FBP1: variants seen among roughly 807,000 people sequenced by gnomAD.
The protein encoded by FBP1 is fructose-1,6-bisphosphatase 1.
A neutral mutation model predicts 29.9 loss-of-function variants in FBP1; 22 were observed. The observed-to-expected ratio is 0.74, with a 90% confidence interval of 0.53 to 1.05. The LOEUF is 1.05. FBP1 is among the 50% of genes least tolerant of loss of function. The pLI, the probability that FBP1 is intolerant of heterozygous loss-of-function variation, is 0.00. For missense variants in FBP1, 345 were observed against 448.2 expected (o/e 0.77, Z 2.08); for synonymous variants, 175 against 178.6 (o/e 0.98, Z 0.16).
intron 3 of FBP1, among the ~76,000 whole-genome samples, chr9:94,612,672 T>G (rs1827803500): frequency 6.7e-6 from 1 of 149,486 alleles, no homozygotes; most frequent in African/African-American, 2.5e-5. Flanking sequence ...TTCTCCTGCC[T>G]CAGCCTCCCA....
chr9:94,608,541 C>A (rs530488097), intron 4 of FBP1, among the ~76,000 whole-genome samples: 1 of 152,340 alleles, frequency 6.6e-6, no homozygotes, highest in South Asian at 2.1e-4. Context: ...CAGCAAACAT[C>A]AGTGGTGCCC....
At chr9:94,636,837 T>C (rs28402387) in intron 1 of FBP1, among the ~76,000 whole-genome samples, 65,421 of 151,554 alleles carry the variant, frequency 0.43, 14,446 homozygotes, top group East Asian at 0.81. Context: ...TACAGGCGCC[T>C]GCCACCATGC....
intron 1 of FBP1, among the ~76,000 whole-genome samples, chr9:94,628,611 C>T (rs1232225625): frequency 6.6e-6 from 1 of 152,144 alleles, no homozygotes; most frequent in Non-Finnish European, 1.5e-5. Context: ...CCGCACCTCA[C>T]AGCAAGGAGG....
Position 94,639,350 on chromosome 9 carries a change from G to A in FBP1, c.-40C>T. The A allele has an allele frequency of 6.3e-7, 1 of 1,583,034 alleles. No individual in the cohort carries two copies. Among genetic ancestry groups the A allele is most frequent in the African/African-American group, 1.3e-5 (1 of 74,374 alleles). On this transcript the variant is annotated 5_prime_UTR_variant, in exon 1 of 7. Coordinates refer to ENST00000375326, the MANE Select transcript of FBP1 (RefSeq NM_000507.4). ...GAGCGCGGGGCTGCAGGTGCAAGCG[G>A]CAGGTGCGGGGCTGCAGGTGCGGGC...
chr9:94,630,395 A>G (rs1351841161), intron 1 of FBP1, among the ~76,000 whole-genome samples: 1 of 152,206 alleles, frequency 6.6e-6, no homozygotes, highest in African/African-American at 2.4e-5. Flanking sequence ...GTGCAAACTT[A>G]GCGTTAGACA....
chr9:94,613,417 A>G (rs963391377), intron 3 of FBP1, among the ~76,000 whole-genome samples: 1 of 152,236 alleles, frequency 6.6e-6, no homozygotes, highest in Non-Finnish European at 1.5e-5. Context: ...TGGACAAACC[A>G]TGATGGTTAC....
At chr9:94,615,361 A>C (rs1356297656) in intron 3 of FBP1, among the ~76,000 whole-genome samples, 1 of 151,702 alleles carries the variant, frequency 6.6e-6, no homozygotes, top group East Asian at 1.9e-4. Context: ...TCAATTTCCC[A>C]GGTTTTTTTT....
intron 1 of FBP1, among the ~76,000 whole-genome samples, chr9:94,626,914 C>T (rs1417812846): frequency 2.0e-5 from 3 of 151,932 alleles, no homozygotes; most frequent in Admixed American, 6.6e-5. Context: ...ATTGGCCAGT[C>T]GCAGTGGCTC....
intron 1 of FBP1, among the ~76,000 whole-genome samples, chr9:94,636,995 G>A (rs1363097218): frequency 3.3e-5 from 5 of 151,876 alleles, no homozygotes; most frequent in Non-Finnish European, 7.4e-5. Context: ...CAGTCGACAA[G>A]CCCTCTTTTT....
In FBP1 at chr9:94,621,926, A is replaced by C. The variant is rs143653147; in HGVS notation, c.171-1435T>G. 2.5e-3 allele frequency among the ~76,000 whole-genome samples: 375 copies of C among 152,250 alleles called. 2 individuals are homozygous for C. The highest frequency in any genetic ancestry group is 7.0e-3 in the East Asian group (36 of 5,160). ...CTCTGCCTCATTTCATAGAGGAGAA[A>C]ACTCAGACCCAAGACTCCTGTGGAC... On this transcript the variant is annotated intron_variant, in intron 1 of 6. Transcript: ENST00000375326.
At chr9:94,629,798 C>T (rs1828076699) in intron 1 of FBP1, among the ~76,000 whole-genome samples, 2 of 152,124 alleles carry the variant, frequency 1.3e-5, no homozygotes, top group African/African-American at 2.4e-5. Context: ...AGGGAGGGCA[C>T]AGACAGGGCT....
intron 2 of FBP1, 42 bp downstream of exon 2, chr9:94,620,287 C>A: frequency 6.2e-7 from 1 of 1,605,788 alleles, no homozygotes; most frequent in Non-Finnish European, 8.5e-7. Context: ...GGGAAGAAGA[C>A]CGGCTACATT....
At chr9:94,633,717 T>G (rs1828145096) in intron 1 of FBP1, among the ~76,000 whole-genome samples, 1 of 151,974 alleles carries the variant, frequency 6.6e-6, no homozygotes, top group Non-Finnish European at 1.5e-5. Flanking sequence ...TCTTTCTTTT[T>G]TTTTTGAGAC....
At chr9:94,630,861 C>T (rs556522227) in intron 1 of FBP1, among the ~76,000 whole-genome samples, 41 of 152,224 alleles carry the variant, frequency 2.7e-4, no homozygotes, top group Non-Finnish European at 4.3e-4. Context: ...GGATAATGCG[C>T]GCGGTGCACC....
At chr9:94,611,623 G>A (rs542519205) in intron 3 of FBP1, among the ~76,000 whole-genome samples, 1 of 152,254 alleles carries the variant, frequency 6.6e-6, no homozygotes, top group South Asian at 2.1e-4. Flanking sequence ...GCCAGGCATG[G>A]TGGCATGTGC....
upstream of FBP1, among the ~76,000 whole-genome samples, chr9:94,639,850 TTAAG>T (rs747133563): frequency 1.3e-5 from 2 of 151,994 alleles, no homozygotes; most frequent in Non-Finnish European, 2.9e-5. Context: ...TTCAGAAAGG[TTAAG>T]TAACTTGCTC....
chr9:94,638,525 C>T (rs919565359), intron 1 of FBP1, among the ~76,000 whole-genome samples: 1 of 151,966 alleles, frequency 6.6e-6, no homozygotes, highest in Admixed American at 6.6e-5. Flanking sequence ...CACAGCATGG[C>T]AACTGTCCCA....
rs1055780118 is a variant in FBP1, at chr9:94,639,152, G to C, written c.159C>G (p.Gly53=). Residue 53 remains glycine, a synonymous_variant, in exon 1 of 7, where the codon GGC becomes GGG. Transcript: ENST00000375326. ...KAISSAVRKA[G]IAHLYGIAGS... ...AAGGCCCGACTCACAGGTGCGCGATGCCCGCCTTGCGCACCGCCGAAGAGA... is the reference window on the plus strand; with the variant it reads ...AAGGCCCGACTCACAGGTGCGCGATCCCCGCCTTGCGCACCGCCGAAGAGA... 6.2e-7 allele frequency: 1 copy of C among 1,601,064 alleles called. No individual in the cohort carries two copies. The highest frequency in any genetic ancestry group is 8.5e-7 in the Non-Finnish European group (1 of 1,174,432).
chr9:94,621,389 C>A (rs1827947763), intron 1 of FBP1, among the ~76,000 whole-genome samples: 3 of 88,356 alleles, frequency 3.4e-5, no homozygotes, highest in South Asian at 8.1e-4. Context: ...GAGCAAGATT[C>A]CGTCTAAAAA....
Sources: gnomAD v4.1 joint callset for allele counts (sites outside exome capture counted in the v4.1 genomes callset) on GRCh38, gnomAD v4.1.1 for gene constraint, MANE v1.5 for transcripts, NCBI Gene and HGNC (gene_info 2026-07-23, HGNC 2026-07-21) for gene names.